TTN: variants seen among roughly 807,000 people sequenced by gnomAD.
TTN encodes the protein titin, also known as connectin.
In TTN, 1,525 loss-of-function variants were observed where a neutral mutation model predicts 3,223.0. The observed-to-expected ratio is 0.47, with a 90% CI of 0.45 to 0.49. The LOEUF (loss-of-function observed/expected upper bound fraction) is 0.49. Among genes scored for constraint, TTN ranks in the 20% least tolerant of loss-of-function variants. The pLI is 0.00. For synonymous variants in TTN, 14,094 were observed against 15,161.0 expected (o/e 0.93, Z 5.17); for missense variants, 40,786 against 43,424.0 (o/e 0.94, Z 5.40).
At chr2:178,698,152 G>T (rs1053770214) in intron 112 of TTN, among the ~76,000 whole-genome samples, 2 of 152,168 alleles carry the variant, frequency 1.3e-5, no homozygotes, top group African/African-American at 4.8e-5. Context: ...GAAAGACAAA[G>T]ACTGTAAGTT....
At chr2:178,800,030 G>C (rs2093981924) in intron 4 of TTN, 120 bp from the exon 5 acceptor site, 1 of 1,122,704 alleles carries the variant, frequency 8.9e-7, no homozygotes, top group South Asian at 1.4e-5. Flanking sequence ...GGAGAAAATT[G>C]CAGAAAGTTT....
chr2:178,758,794 G>T (rs2088104457), intron 44 of TTN, 190 bp downstream of exon 44: 1 of 648,572 alleles, frequency 1.5e-6, no homozygotes, highest in Admixed American at 2.4e-5. Context: ...AAACGTGATG[G>T]TCTATGATTC....
Position 178,601,569 on chromosome 2 carries a change from T to G in TTN, c.55433-5A>C. 1 of 1,606,550 alleles carries G rather than the reference T, an allele frequency of 6.2e-7. No homozygotes were observed. The highest frequency in any genetic ancestry group is 8.5e-7 in the Non-Finnish European group (1 of 1,176,134). Reference sequence around the variant, plus strand: ...CTTTGGGTGGGCCTGGTACATCTGTTGGATGTAAATCACAATATAAGCAAC... The same window carrying G: ...CTTTGGGTGGGCCTGGTACATCTGTGGGATGTAAATCACAATATAAGCAAC... On this transcript the variant is annotated splice_polypyrimidine_tract_variant and splice_region_variant and intron_variant, in intron 286 of 362. Transcript: ENST00000589042.
rs2047437261 is a variant in TTN, at chr2:178,580,441, G to C, written c.66938C>G (p.Thr22313Ser). The C allele has an allele frequency of 6.2e-7, 1 of 1,613,212 alleles. No homozygotes were observed. Among genetic ancestry groups the C allele is most frequent in the Non-Finnish European group, 8.5e-7 (1 of 1,179,468 alleles). The change falls in exon 317 of 363, where the codon ACT becomes AGT. Residue 22313 changes from threonine (T) to serine (S), a missense_variant. Coordinates refer to ENST00000589042, the MANE Select transcript of TTN (RefSeq NM_001267550.2). The stretch of plus-strand genomic sequence containing the variant: ...ACAGCGCAAGAAAGTGTCAAAGTCA[G>C]TTGACTTTATGTCCAGTCCAATCCT... ...RDRIGLDIKS[T>S]DFDTFLRCEN...
Position 178,633,565 on chromosome 2 carries a change from T to C in TTN, c.42794A>G (p.Asp14265Gly), listed in dbSNP as rs1009314740. The stretch of plus-strand genomic sequence containing the variant: ...GGGTGAAGGGACAATCTCTTCACCA[T>C]CTTTGAACCATTTCACTGGTACATC... ...SKDVPVKWFK[D>G]GEEIVPSPKY... The change falls in exon 232 of 363, where the codon GAT becomes GGT. Residue 14265 changes from aspartate to glycine, a missense_variant. By Grantham distance (94) the Asp-to-Gly change is moderately conservative (BLOSUM62 -1). Coordinates refer to ENST00000589042, the MANE Select transcript of TTN (RefSeq NM_001267550.2). 5 of 1,613,318 alleles carry C rather than the reference T, an allele frequency of 3.1e-6. No homozygotes were observed. In the African/African-American group the frequency reaches 5.3e-5, roughly 17 times the overall value.
Position 178,554,044 on chromosome 2 carries a change from A to G in TTN, c.89067T>C (p.Arg29689=), listed in dbSNP as rs1262357440. 6.2e-7 allele frequency: 1 copy of G among 1,613,852 alleles called. No homozygotes were observed. The highest frequency in any genetic ancestry group is 1.7e-5 in the Admixed American group (1 of 60,006). The change falls in exon 333 of 363, where the codon CGT becomes CGC. Residue 29689 remains arginine, a synonymous_variant. Transcript: ENST00000589042. Reference sequence around the variant, plus strand: ...GTCCTGTTACTTTTTGTCTGGTGTCACGGATAGTCTCTTTTAGTACTTTAA... The same window carrying G: ...GTCCTGTTACTTTTTGTCTGGTGTCGCGGATAGTCTCTTTTAGTACTTTAA... The part of the protein sequence containing the change: ...GWFKVLKETI[R]DTRQKVTGLT...
In TTN at chr2:178,566,992, C is replaced by T. The variant is rs755474723; in HGVS notation, c.79140G>A (p.Met26380Ile). 2.5e-6 allele frequency: 4 copies of T among 1,613,536 alleles called. No homozygotes were observed. The highest frequency in any genetic ancestry group is 3.4e-6 in the Non-Finnish European group (4 of 1,179,626). The change falls in exon 326 of 363, where the codon ATG becomes ATA. Residue 26380 changes from methionine (M) to isoleucine (I), a missense_variant. Coordinates refer to ENST00000589042, the MANE Select transcript of TTN (RefSeq NM_001267550.2). Reference protein sequence around the residue: ...GEPLESAPVLMKNPFVLPGPP... With the variant: ...GEPLESAPVLIKNPFVLPGPP... Reference sequence around the variant, plus strand: ...GTCCAGGAAGCACAAATGGATTTTTCATTAGTACTGGTGCAGATTCCAAAG... The same window carrying T: ...GTCCAGGAAGCACAAATGGATTTTTTATTAGTACTGGTGCAGATTCCAAAG...
rs2154175717 is a variant in TTN, at chr2:178,579,673, G to A, written c.67524C>T (p.Tyr22508=). The change falls in exon 319 of 363, where the codon TAC becomes TAT. Residue 22508 remains tyrosine (Y), a synonymous_variant. Transcript: ENST00000589042. ...QRVMKSLSLQ[Y]SAKDLTEGKE... ...TCCCTTCAGTCAAATCTTTTGCAGA[G>A]TACTGTAGGCTTAAGGATTTCATAA... is the stretch of plus-strand genomic sequence containing the variant. The A allele has an allele frequency of 6.2e-7, 1 of 1,613,270 alleles. No individual in the cohort carries two copies. The highest frequency in any genetic ancestry group is 8.5e-7 in the Non-Finnish European group (1 of 1,179,506).
rs768326355 is a variant in TTN, at chr2:178,593,309, A to G, written c.58899T>C (p.Ile19633=). 2 of 1,613,424 alleles carry G rather than the reference A, an allele frequency of 1.2e-6. No individual in the cohort carries two copies. Among genetic ancestry groups the G allele is most frequent in the Non-Finnish European group, 1.7e-6 (2 of 1,179,570 alleles). ...GAACCCTAAATTTAGTGTATGGATG[A>G]ATAGGATCTTTGGTAACTCTAGCCC... ...KRWARVTKDP[I]HPYTKFRVPD... is the part of the protein sequence containing the mutation. Residue 19633 remains isoleucine, a synonymous_variant, in exon 299 of 363, where the codon ATT becomes ATC. Coordinates refer to ENST00000589042, the MANE Select transcript of TTN (RefSeq NM_001267550.2).
rs1370617731 is a variant in TTN at position 178,733,308 on chromosome 2, C to A, written c.15985G>T (p.Gly5329Cys). The A allele has an allele frequency of 1.2e-6, 2 of 1,613,654 alleles. No individual in the cohort carries two copies. Among genetic ancestry groups the A allele is most frequent in the Non-Finnish European group, 1.7e-6 (2 of 1,179,704 alleles). ...TTGGAAATCTCAAATGTGTATTGGC[C>A]ACTGTCGTGCAGCTCAGCTGAATAA... is the stretch of plus-strand genomic sequence containing the variant. Reference protein sequence around the residue: ...KFYSAELHDSGQYTFEISNEV... With the variant: ...KFYSAELHDSCQYTFEISNEV... Residue 5329 changes from glycine to cysteine, a missense_variant, in exon 54 of 363, where the codon GGC becomes TGC. By Grantham distance (159) the Gly-to-Cys change is radical (BLOSUM62 -3). Transcript: ENST00000589042.
rs772524912 is a variant in TTN at position 178,572,439 on chromosome 2, C to T, written c.73693G>A (p.Ala24565Thr). ...CAGTTTGTTGCAACAGTTGAATATG[C>T]TTTTCTTGTTGATTCCCGCTTTTCA... ...IVEKRESTRK[A>T]YSTVATNCHK... Residue 24565 changes from alanine (A) to threonine (T), a missense_variant, in exon 326 of 363, where the codon GCA becomes ACA. Transcript: ENST00000589042. The T allele has an allele frequency of 1.2e-6, 2 of 1,612,450 alleles. No individual in the cohort carries two copies. The highest frequency in any genetic ancestry group is 1.7e-6 in the Non-Finnish European group (2 of 1,178,902).
intron 307 of TTN, 154 bp from the exon 308 acceptor site, chr2:178,586,961 C>G: frequency 7.3e-7 from 1 of 1,360,868 alleles, no homozygotes. Context: ...TGAGACAGAT[C>G]AAAAAAGTGT....
At chr2:178,579,875 T>A in intron 318 of TTN, 27 bp from the exon 319 acceptor site, 1 of 1,612,364 alleles carries the variant, frequency 6.2e-7, no homozygotes, top group Non-Finnish European at 8.5e-7. Flanking sequence ...ATGATAAGTG[T>A]AAGCCCCATA....
Position 178,577,995 on chromosome 2 carries a change from G to T in TTN, c.68520C>A (p.Asp22840Glu). 6.2e-7 allele frequency: 1 copy of T among 1,612,490 alleles called. No individual in the cohort carries two copies. Among genetic ancestry groups the T allele is most frequent in the South Asian group, 1.1e-5 (1 of 90,812 alleles). ...CTTCATATAATGACTTACCAATTGGGTCCAGTGCCACAACAGGCTCTGATG... is the reference window on the plus strand; with the variant it reads ...CTTCATATAATGACTTACCAATTGGTTCCAGTGCCACAACAGGCTCTGATG... ...SLPSEPVVAL[D>E]PIDPPGKPEV... The change falls in exon 322 of 363, where the codon GAC becomes GAA. Residue 22840 changes from aspartate (D) to glutamate (E), a missense_variant. Transcript: ENST00000589042.
rs1408591294 is a variant in TTN, at chr2:178,565,106, A to G, written c.81026T>C (p.Ile27009Thr). Residue 27009 changes from isoleucine (I) to threonine (T), a missense_variant, in exon 326 of 363, where the codon ATT (isoleucine) becomes ACT (threonine). By Grantham distance (89) the Ile-to-Thr change is moderately conservative. Transcript: ENST00000589042. ...YTGGCQISNY[I>T]VEKRDTTTTT... ...GGTGGTTGTATCTCGCTTCTCTACAATGTAGTTGCTTATTTGGCAGCCACC... is the reference window on the plus strand; with the variant it reads ...GGTGGTTGTATCTCGCTTCTCTACAGTGTAGTTGCTTATTTGGCAGCCACC... The G allele has an allele frequency of 6.2e-7, 1 of 1,613,528 alleles. No homozygotes were observed. The highest frequency in any genetic ancestry group is 1.7e-5 in the Admixed American group (1 of 59,988).
chr2:178,802,482 A>G, intron 2 of TTN, 141 bp from the exon 3 acceptor site: 1 of 951,874 alleles, frequency 1.1e-6, no homozygotes, highest in Non-Finnish European at 1.6e-6. Flanking sequence ...GGAAAACCCT[A>G]CAGTTGCATG....
In TTN at chr2:178,577,780, A is replaced by T; in HGVS notation, c.68646T>A (p.Asp22882Glu). Residue 22882 changes from aspartate to glutamate, a missense_variant, in exon 323 of 363, where the codon GAT (aspartate) becomes GAA (glutamate). Physicochemically the swap from Asp to Glu is conservative, Grantham distance 45. Transcript: ENST00000589042. Reference sequence around the variant, plus strand: ...CTTTCATCCAAGACTTCGAAGGTAGATCTCGCTTCTCCACTATATATCCAG... The same window carrying T: ...CTTTCATCCAAGACTTCGAAGGTAGTTCTCGCTTCTCCACTATATATCCAG... The part of the protein sequence containing the change: ...KLTGYIVEKR[D>E]LPSKSWMKAN... The T allele has an allele frequency of 6.2e-7, 1 of 1,613,256 alleles. No individual in the cohort carries two copies.
At chr2:178,663,606 C>T in intron 171 of TTN, 21 bp downstream of exon 171, 1 of 1,613,616 alleles carries the variant, frequency 6.2e-7, no homozygotes, top group East Asian at 2.2e-5. Flanking sequence ...TCATCTGAAG[C>T]CTAAAATCAG....
In TTN at chr2:178,747,190, T is replaced by C. The variant is rs578160962; in HGVS notation, c.11312-5269A>G. The C allele has an allele frequency of 1.2e-6, 2 of 1,609,642 alleles. No individual in the cohort carries two copies. Among genetic ancestry groups the C allele is most frequent in the East Asian group, 2.2e-5 (1 of 44,676 alleles). On this transcript the variant is annotated intron_variant, in intron 47 of 362. Transcript: ENST00000589042. ...CTCCTGGGGGTGTGGAGTATCTCTCTAGAGTCTCTCCTGGAGGTGTGGAGT... is the reference window on the plus strand; with the variant it reads ...CTCCTGGGGGTGTGGAGTATCTCTCCAGAGTCTCTCCTGGAGGTGTGGAGT...
Sources: allele counts gnomAD v4.1 joint callset (sites outside exome capture counted in the v4.1 genomes callset), GRCh38; gene constraint gnomAD v4.1.1; transcripts MANE v1.5; gene names NCBI Gene and HGNC (gene_info 2026-07-23, HGNC 2026-07-21).